Variants in MAGI1 observed in about 807,000 individuals in gnomAD.
MAGI1 encodes membrane associated guanylate kinase, WW and PDZ domain containing 1, also known as membrane-associated guanylate kinase, WW and PDZ domain-containing protein 1.
A neutral mutation model predicts 139.9 loss-of-function variants in MAGI1; 58 were observed. The observed-to-expected ratio is 0.41, with a 90% CI of 0.34 to 0.52. The LOEUF (loss-of-function observed/expected upper bound fraction) is 0.52. Among genes scored for constraint, MAGI1 ranks in the 20% least tolerant of loss-of-function variants. MAGI1 has a pLI of 0.12. For synonymous variants in MAGI1, 812 were observed against 737.9 expected (o/e 1.10, Z -1.63); for missense variants, 1,874 against 1,901.6 (o/e 0.99, Z 0.27).
intron 7 of MAGI1, among the ~76,000 whole-genome samples, chr3:65,446,299 C>T (rs184793479): frequency 6.6e-6 from 1 of 152,192 alleles, no homozygotes; most frequent in East Asian, 1.9e-4. Context: ...TCTTTTGGCC[C>T]CTCTTTATGG....
At chr3:65,744,467 T>C (rs2035528438) in intron 1 of MAGI1, among the ~76,000 whole-genome samples, 1 of 152,188 alleles carries the variant, frequency 6.6e-6, no homozygotes, top group African/African-American at 2.4e-5. Flanking sequence ...AAGAATAGGC[T>C]GAGAAAGATT....
At chr3:65,949,020 G>A (rs892819474) in intron 1 of MAGI1, among the ~76,000 whole-genome samples, 1 of 152,186 alleles carries the variant, frequency 6.6e-6, no homozygotes, top group African/African-American at 2.4e-5. Context: ...GGCAAAGATG[G>A]CAGCTGTCAT....
intron 2 of MAGI1, among the ~76,000 whole-genome samples, chr3:65,556,711 ACG>A: frequency 6.6e-6 from 1 of 152,290 alleles, no homozygotes; most frequent in Middle Eastern, 3.4e-3. Flanking sequence ...CCTATAATCC[ACG>A]CTGTTACAGA....
chr3:65,657,306 C>T (rs1047125511), intron 1 of MAGI1, among the ~76,000 whole-genome samples: 7 of 151,698 alleles, frequency 4.6e-5, no homozygotes, highest in Admixed American at 1.3e-4. Flanking sequence ...TAGAAAATTG[C>T]CTTTGAGGCC....
chr3:65,802,016 G>A (rs2040545462), intron 1 of MAGI1, among the ~76,000 whole-genome samples: 1 of 152,060 alleles, frequency 6.6e-6, no homozygotes, highest in African/African-American at 2.4e-5. Flanking sequence ...CTCCTTATTA[G>A]AATCTAACTA....
chr3:65,862,273 A>T (rs1175709299), intron 1 of MAGI1, among the ~76,000 whole-genome samples: 1 of 152,158 alleles, frequency 6.6e-6, no homozygotes. Context: ...TCTTCTATAA[A>T]ATGGGGAAAG....
chr3:65,813,538 T>A (rs1334131052), intron 1 of MAGI1, among the ~76,000 whole-genome samples: 2 of 152,028 alleles, frequency 1.3e-5, no homozygotes, highest in Non-Finnish European at 2.9e-5. Flanking sequence ...ATAGTAATGG[T>A]GGGGATATAG....
chr3:65,376,114 C>T (rs1275969701), intron 17 of MAGI1, among the ~76,000 whole-genome samples, 169 bp from the exon 18 acceptor site: 4 of 152,174 alleles, frequency 2.6e-5, no homozygotes, highest in Non-Finnish European at 4.4e-5. Flanking sequence ...ATTGGCAATA[C>T]TCAGGGTGTC....
At chr3:65,510,329 G>C (rs2077519779) in intron 2 of MAGI1, among the ~76,000 whole-genome samples, 1 of 152,140 alleles carries the variant, frequency 6.6e-6, no homozygotes, top group East Asian at 1.9e-4. Context: ...GCTGAGAGAA[G>C]AAGGCTTCAG....
At chr3:65,917,711 C>A (rs1258078793) in intron 1 of MAGI1, among the ~76,000 whole-genome samples, 1 of 152,080 alleles carries the variant, frequency 6.6e-6, no homozygotes, top group Non-Finnish European at 1.5e-5. Context: ...CTATATGATT[C>A]CAATTATCTG....
chr3:65,586,632 C>T (rs1184793858), intron 2 of MAGI1, among the ~76,000 whole-genome samples: 1 of 151,992 alleles, frequency 6.6e-6, no homozygotes, highest in Admixed American at 6.6e-5. Context: ...ACTAAATACA[C>T]AAAATACTAA....
intron 1 of MAGI1, among the ~76,000 whole-genome samples, chr3:65,876,371 A>C (rs2108507347): frequency 6.6e-6 from 1 of 152,058 alleles, no homozygotes; most frequent in Middle Eastern, 3.4e-3. Context: ...AGGCAATATA[A>C]TTATAGTGTC....
rs752671181 is a variant in MAGI1 at position 65,357,003 on chromosome 3, G to A, written c.3764C>T (p.Pro1255Leu). 10 of 1,614,194 alleles carry A rather than the reference G, an allele frequency of 6.2e-6. No homozygotes were observed. Among genetic ancestry groups the A allele is most frequent in the Non-Finnish European group, 8.5e-6 (10 of 1,180,032 alleles). Reference sequence around the variant, plus strand: ...TGCGTGTGCCCGCTTTTCCCCATGTGGTGATGATTTGTGAAGATCGGGTGG... The same window carrying A: ...TGCGTGTGCCCGCTTTTCCCCATGTAGTGATGATTTGTGAAGATCGGGTGG... ...SYPPDLHKSS[P>L]HGEKRAHARD... is the part of the protein sequence containing the mutation. Residue 1255 changes from proline to leucine, a missense_variant, in exon 23 of 23, where the codon CCA (proline) becomes CTA (leucine). Transcript: ENST00000402939.
intron 2 of MAGI1, among the ~76,000 whole-genome samples, chr3:65,575,225 T>G (rs925975108): frequency 6.6e-6 from 1 of 151,492 alleles, no homozygotes; most frequent in African/African-American, 2.4e-5. Context: ...AAAAAGAGAG[T>G]AAAATATTTG....
At chr3:65,873,597 AT>A (rs1204753404) in intron 1 of MAGI1, 17 of 152,218 alleles carry the variant, frequency 1.1e-4, no homozygotes, top group African/African-American at 4.1e-4. Flanking sequence ...CAGGCACGTT[AT>A]TGCATTATTA....
chr3:65,995,789 T>C (rs2066414683), intron 1 of MAGI1, among the ~76,000 whole-genome samples: 1 of 152,188 alleles, frequency 6.6e-6, no homozygotes, highest in South Asian at 2.1e-4. Flanking sequence ...GCTATCTAAG[T>C]CTGTTCTCTG....
intron 1 of MAGI1, among the ~76,000 whole-genome samples, chr3:65,734,564 A>G (rs1352840335): frequency 7.6e-6 from 1 of 130,872 alleles, no homozygotes; most frequent in Non-Finnish European, 1.7e-5. Flanking sequence ...AAAGAAAGAG[A>G]GAGAGGGAGA....
At chr3:65,846,162 A>G (rs1007558107) in intron 1 of MAGI1, among the ~76,000 whole-genome samples, 9 of 152,342 alleles carry the variant, frequency 5.9e-5, no homozygotes, top group South Asian at 4.1e-4. Flanking sequence ...CTATAAATCC[A>G]GCAGCCACCA....
At position 65,432,772 on chromosome 3, in the gene MAGI1, G is replaced by C. The variant is rs146182840; in HGVS notation, c.1364-1891C>G. 7.8e-4 allele frequency among the ~76,000 whole-genome samples: 119 copies of C among 152,212 alleles called. 1 individual carries two copies. The East Asian group carries it at 0.02, about 26-fold the overall frequency. On this transcript the variant is annotated intron_variant, in intron 10 of 22. Coordinates refer to ENST00000402939, the MANE Select transcript of MAGI1 (RefSeq NM_001033057.2). ...AGATAACCCCCAAAGTTTACTTTAG[G>C]GGGAGGAGGGTGACTGGCCTACACT...
Sources: gnomAD v4.1 joint callset for allele counts (sites outside exome capture counted in the v4.1 genomes callset) on GRCh38, gnomAD v4.1.1 for gene constraint, MANE v1.5 for transcripts, NCBI Gene and HGNC (gene_info 2026-07-23, HGNC 2026-07-21) for gene names.